The following SOX6 variants were observed in gnomAD, a reference collection of about 807,000 sequenced individuals.
SOX6 encodes SRY-box transcription factor 6, also known as transcription factor SOX-6.
In SOX6, 11 loss-of-function variants were observed where a neutral mutation model predicts 97.8. The observed-to-expected ratio is 0.11, with a 90% CI of 0.07 to 0.19. The LOEUF is 0.19. SOX6 is among the 10% of genes least tolerant of loss of function. SOX6 has a pLI of 1.00. For missense variants in SOX6, 810 were observed against 1,039.5 expected (o/e 0.78, Z 3.04); for synonymous variants, 360 against 371.4 (o/e 0.97, Z 0.35).
chr11:16,283,089 G>GCATATA (rs1554952961), intron 3 of SOX6, among the ~76,000 whole-genome samples: 1 of 113,710 alleles, frequency 8.8e-6, no homozygotes, highest in Non-Finnish European at 1.8e-5. Context: ...TATATAATTT[G>GCATATA]TATATATATA....
intron 4 of SOX6, among the ~76,000 whole-genome samples, chr11:16,539,314 A>T (rs989274295): frequency 6.6e-6 from 1 of 152,222 alleles, no homozygotes; most frequent in East Asian, 1.9e-4. Context: ...GGACACATTT[A>T]ATGCAGTGTG....
Position 16,483,859 on chromosome 11 carries a change from C to T in SOX6, n.610-7471G>A, listed in dbSNP as rs184419163. Among the ~76,000 whole-genome samples, 8 of 152,278 alleles carry T rather than the reference C, an allele frequency of 5.3e-5. No homozygotes were observed. In the East Asian group the frequency reaches 1.4e-3, roughly 26 times the overall value. ...TGGCTGCTCAGTTCAAAGTTAAAGA[C>T]CTTAACGTTCTCAGCAAATGCATTC... On this transcript the variant is annotated intron_variant and non_coding_transcript_variant, in intron 4 of 5. Transcript: ENST00000524520.
At chr11:16,268,180 G>T (rs542690409) in intron 3 of SOX6, among the ~76,000 whole-genome samples, 2 of 151,426 alleles carry the variant, frequency 1.3e-5, no homozygotes, top group African/African-American at 4.8e-5. Context: ...ATATCACTAA[G>T]AGAGTAAATC....
chr11:16,113,713 A>G (rs1009144677), intron 6 of SOX6, among the ~76,000 whole-genome samples: 7 of 152,304 alleles, frequency 4.6e-5, no homozygotes, highest in Non-Finnish European at 7.4e-5. Flanking sequence ...ATACTCTAAA[A>G]AGGGAGAAAA....
At chr11:16,193,510 T>C (rs1851687359) in intron 4 of SOX6, among the ~76,000 whole-genome samples, 1 of 152,234 alleles carries the variant, frequency 6.6e-6, no homozygotes. Flanking sequence ...CATTCTCCTG[T>C]ATTAGATCAA....
chr11:16,712,017 C>G (rs1480890298), intron 3 of SOX6, among the ~76,000 whole-genome samples: 1 of 151,984 alleles, frequency 6.6e-6, no homozygotes, highest in Non-Finnish European at 1.5e-5. Context: ...AGTCTCCAAT[C>G]TCAGCCAGGT....
At chr11:16,465,435 T>C (rs1050315950) in intron 1 of SOX6, among the ~76,000 whole-genome samples, 1 of 152,200 alleles carries the variant, frequency 6.6e-6, no homozygotes, top group Admixed American at 6.5e-5. Flanking sequence ...TGATTAATGA[T>C]TCTACTATAT....
At chr11:16,404,948 G>T (rs927516397) in intron 1 of SOX6, among the ~76,000 whole-genome samples, 1 of 151,930 alleles carries the variant, frequency 6.6e-6, no homozygotes, top group Non-Finnish European at 1.5e-5. Flanking sequence ...AGCTTTGTGC[G>T]TGATATCTTT....
At position 16,356,512 on chromosome 11, in the gene SOX6, C is replaced by T. The variant is rs140313378; in HGVS notation, c.-423G>A. 6.6e-6 allele frequency among the ~76,000 whole-genome samples: 1 copy of T among 152,052 alleles called. No homozygotes were observed. Among genetic ancestry groups the T allele is most frequent in the South Asian group, 2.1e-4 (1 of 4,818 alleles). On this transcript the variant is annotated 5_prime_UTR_variant, in exon 1 of 16. Transcript: ENST00000683767. The stretch of plus-strand genomic sequence containing the variant: ...GCCTATTTGCTGAGCAACAGTGGAG[C>T]TTTGTGGTTTGCCTCACAGTTGACA...
intron 4 of SOX6, among the ~76,000 whole-genome samples, chr11:16,516,074 A>G (rs1490536172): frequency 6.6e-6 from 1 of 150,670 alleles, no homozygotes; most frequent in Non-Finnish European, 1.5e-5. Flanking sequence ...GTTTTTTCCA[A>G]TTCTGTGAAG....
chr11:16,591,260 T>G (rs544330208), intron 4 of SOX6, among the ~76,000 whole-genome samples: 2 of 152,068 alleles, frequency 1.3e-5, no homozygotes, highest in Admixed American at 1.3e-4. Flanking sequence ...TTTCATGTGA[T>G]GACAAGAAGC....
At chr11:16,540,307 G>C (rs1427583433) in intron 4 of SOX6, among the ~76,000 whole-genome samples, 1 of 152,114 alleles carries the variant, frequency 6.6e-6, no homozygotes, top group Admixed American at 6.6e-5. Context: ...ATTAGGTATT[G>C]ATGGGACATA....
chr11:16,116,160 T>C (rs1320611005), intron 6 of SOX6, among the ~76,000 whole-genome samples: 1 of 152,186 alleles, frequency 6.6e-6, no homozygotes, highest in Non-Finnish European at 1.5e-5. Context: ...AAGTTCTTCT[T>C]ATGTCTAATT....
At chr11:16,603,010 G>A (rs1301620244) in intron 4 of SOX6, among the ~76,000 whole-genome samples, 1 of 151,770 alleles carries the variant, frequency 6.6e-6, no homozygotes, top group African/African-American at 2.4e-5. Context: ...AACAGAGCCA[G>A]ATTCCGTCTC....
chr11:16,514,346 G>T (rs1418340422), intron 4 of SOX6, among the ~76,000 whole-genome samples: 1 of 152,018 alleles, frequency 6.6e-6, no homozygotes, highest in East Asian at 1.9e-4. Context: ...CTAAAAGTAG[G>T]TCAGCCCAAA....
At chr11:16,595,388 T>G (rs1161262408) in intron 4 of SOX6, among the ~76,000 whole-genome samples, 1 of 152,018 alleles carries the variant, frequency 6.6e-6, no homozygotes, top group Non-Finnish European at 1.5e-5. Context: ...GAGAAACAAG[T>G]TATTAAACAC....
chr11:16,431,135 A>G (rs1469418445), intron 1 of SOX6, among the ~76,000 whole-genome samples: 1 of 152,086 alleles, frequency 6.6e-6, no homozygotes, highest in African/African-American at 2.4e-5. Context: ...CAACTTAAAT[A>G]TCACCTTATC....
At chr11:16,191,405 G>A (rs1851628287) in intron 4 of SOX6, among the ~76,000 whole-genome samples, 2 of 152,116 alleles carry the variant, frequency 1.3e-5, no homozygotes, top group Admixed American at 1.3e-4. Context: ...AGACTGCAGT[G>A]AGCCATGATT....
At chr11:16,468,546 T>G (rs146367648) in intron 1 of SOX6, among the ~76,000 whole-genome samples, 59 of 152,252 alleles carry the variant, frequency 3.9e-4, no homozygotes, top group African/African-American at 1.2e-3. Context: ...AAGATTGCCT[T>G]ATGAGTTCTG....
Sources: gnomAD v4.1 joint callset for allele counts (sites outside exome capture counted in the v4.1 genomes callset) on GRCh38, gnomAD v4.1.1 for gene constraint, MANE v1.5 for transcripts, NCBI Gene and HGNC (gene_info 2026-07-23, HGNC 2026-07-21) for gene names.